Variants in ZCWPW2 observed in about 807,000 individuals in gnomAD.
ZCWPW2 encodes zinc finger CW-type PWWP domain protein 2.
Under a neutral mutation model 46.6 loss-of-function variants are expected in ZCWPW2, and 45 were observed. The observed-to-expected ratio is 0.96, with a 90% confidence interval of 0.76 to 1.24. The LOEUF is 1.24. Ranked by LOEUF, ZCWPW2 falls within the 50% of genes most tolerant of loss-of-function variation. The pLI, the probability that ZCWPW2 is intolerant of heterozygous loss-of-function variation, is 0.00. For missense variants in ZCWPW2, 429 were observed against 403.9 expected (o/e 1.06, Z -0.53); for synonymous variants, 152 against 137.1 (o/e 1.11, Z -0.76).
intron 5 of ZCWPW2, among the ~76,000 whole-genome samples, chr3:28,487,308 C>G (rs936955890): frequency 1.3e-5 from 2 of 151,852 alleles, no homozygotes; most frequent in African/African-American, 2.4e-5. Flanking sequence ...AGTCTTTTCT[C>G]TTTTTCAGTT....
intron 6 of ZCWPW2, among the ~76,000 whole-genome samples, chr3:28,498,059 T>C (rs1433021281): frequency 6.6e-6 from 1 of 152,014 alleles, no homozygotes; most frequent in Non-Finnish European, 1.5e-5. Context: ...TCATAATACT[T>C]GTGCAGGCCA....
At chr3:28,403,322 G>A (rs1183641482) in intron 2 of ZCWPW2, among the ~76,000 whole-genome samples, 1 of 151,926 alleles carries the variant, frequency 6.6e-6, no homozygotes, top group Non-Finnish European at 1.5e-5. Context: ...AAATTACTTA[G>A]GAATACACCT....
chr3:28,398,356 T>G (rs1695787322), intron 2 of ZCWPW2: 1 of 152,074 alleles, frequency 6.6e-6, no homozygotes, highest in Non-Finnish European at 1.5e-5. Context: ...ATCTTGGGGG[T>G]GGGACACAAC....
In ZCWPW2 at chr3:28,484,758, C is replaced by G. The variant is rs543342851; in HGVS notation, c.610+5827C>G. Among the ~76,000 whole-genome samples, 4 of 150,298 alleles carry G rather than the reference C, an allele frequency of 2.7e-5. No homozygotes were observed. In the East Asian group the frequency reaches 7.9e-4, roughly 30 times the overall value. Reference sequence around the variant, plus strand: ...CCTTCCTTCCTGCCTGCCTTCCTGCCTGCCTTCCTGTCTTCCTTCTGTCCT... The same window carrying G: ...CCTTCCTTCCTGCCTGCCTTCCTGCGTGCCTTCCTGTCTTCCTTCTGTCCT... On this transcript the variant is annotated intron_variant, in intron 5 of 9. Transcript: ENST00000383768.
At chr3:28,475,225 G>A (rs1313557126) in intron 4 of ZCWPW2, among the ~76,000 whole-genome samples, 2 of 152,040 alleles carry the variant, frequency 1.3e-5, no homozygotes, top group Non-Finnish European at 2.9e-5. Context: ...CCTTTTGCCC[G>A]CTGAGTTTGA....
chr3:28,514,145 G>C (rs984424853), intron 7 of ZCWPW2, 23 bp downstream of exon 7: 1 of 1,393,894 alleles, frequency 7.2e-7, no homozygotes. Flanking sequence ...AAATTAAATA[G>C]TATTATGATA....
intron 5 of ZCWPW2, among the ~76,000 whole-genome samples, chr3:28,488,719 T>C (rs1289606681): frequency 1.3e-5 from 2 of 152,184 alleles, no homozygotes; most frequent in Non-Finnish European, 2.9e-5. Flanking sequence ...AAATATGACT[T>C]GGATATAGCT....
intron 4 of ZCWPW2, among the ~76,000 whole-genome samples, chr3:28,437,555 C>T (rs1276491622): frequency 1.3e-5 from 2 of 151,918 alleles, no homozygotes; most frequent in Non-Finnish European, 2.9e-5. Flanking sequence ...TGCATGGTTG[C>T]CTTATGAGAC....
chr3:28,471,143 C>G (rs1399595747), intron 4 of ZCWPW2, among the ~76,000 whole-genome samples: 1 of 152,096 alleles, frequency 6.6e-6, no homozygotes, highest in African/African-American at 2.4e-5. Context: ...AACCAAGAAC[C>G]TGATGGGTTC....
intron 4 of ZCWPW2, among the ~76,000 whole-genome samples, chr3:28,436,362 A>G (rs1338191182): frequency 1.9e-5 from 2 of 103,954 alleles, no homozygotes; most frequent in African/African-American, 4.0e-5. Context: ...GCCTTGAATT[A>G]CTGGGCTCAG....
At chr3:28,427,619 A>G (rs1030760396) in intron 3 of ZCWPW2, among the ~76,000 whole-genome samples, 41 of 152,270 alleles carry the variant, frequency 2.7e-4, no homozygotes, top group African/African-American at 9.1e-4. Flanking sequence ...TTAGCATCCA[A>G]TTCTTTTTGA....
intron 4 of ZCWPW2, among the ~76,000 whole-genome samples, chr3:28,474,925 T>C (rs1319667334): frequency 1.3e-5 from 2 of 151,810 alleles, no homozygotes; most frequent in Non-Finnish European, 2.9e-5. Context: ...ACCTCCCGGG[T>C]TCAAGCAATT....
At chr3:28,431,127 G>C (rs1697237490) in intron 3 of ZCWPW2, among the ~76,000 whole-genome samples, 1 of 152,058 alleles carries the variant, frequency 6.6e-6, no homozygotes, top group Non-Finnish European at 1.5e-5. Context: ...TGTGATTTCA[G>C]ATTCTTTACA....
chr3:28,455,062 T>C (rs1308369403), intron 4 of ZCWPW2, among the ~76,000 whole-genome samples: 2 of 152,198 alleles, frequency 1.3e-5, no homozygotes, highest in African/African-American at 4.8e-5. Context: ...ATCACCACAC[T>C]GTCTTCCACA....
chr3:28,518,508 G>A (rs1462273693), intron 8 of ZCWPW2, among the ~76,000 whole-genome samples: 1 of 152,168 alleles, frequency 6.6e-6, no homozygotes, highest in Non-Finnish European at 1.5e-5. Context: ...TGCTCTGGAA[G>A]CAGAAGCTGA....
chr3:28,497,458 C>T (rs1006246933), intron 6 of ZCWPW2, among the ~76,000 whole-genome samples: 15 of 151,964 alleles, frequency 9.9e-5, no homozygotes, highest in Admixed American at 3.9e-4. Flanking sequence ...TTCAAATTCC[C>T]GGTGTGGTGT....
intron 9 of ZCWPW2, among the ~76,000 whole-genome samples, chr3:28,523,061 T>A (rs1297557053): frequency 6.6e-6 from 1 of 152,230 alleles, no homozygotes; most frequent in Non-Finnish European, 1.5e-5. Context: ...GAAATACTTC[T>A]GATTTTTATT....
rs754528438 is a variant in ZCWPW2, at chr3:28,515,598, A to T, written c.761A>T (p.Asp254Val). Reference protein sequence around the residue: ...KCSFENVYSDDALSKENRVVC... With the variant: ...KCSFENVYSDVALSKENRVVC... ...TCTTTTGAAAATGTTTATTCTGATGATGCCTTATCAAAGGAGAACAGGGGT... is the reference window on the plus strand; with the variant it reads ...TCTTTTGAAAATGTTTATTCTGATGTTGCCTTATCAAAGGAGAACAGGGGT... The change falls in exon 8 of 10, where the codon GAT becomes GTT. Residue 254 changes from aspartate (D) to valine (V), a missense_variant. Coordinates refer to ENST00000383768, the MANE Select transcript of ZCWPW2 (RefSeq NM_001040432.4). 1.2e-6 allele frequency: 2 copies of T among 1,606,400 alleles called. No individual in the cohort carries two copies. Among genetic ancestry groups the T allele is most frequent in the Non-Finnish European group, 1.7e-6 (2 of 1,179,322 alleles).
At chr3:28,378,223 C>T (rs1216514285) in intron 1 of ZCWPW2, among the ~76,000 whole-genome samples, 1 of 151,608 alleles carries the variant, frequency 6.6e-6, no homozygotes, top group Non-Finnish European at 1.5e-5. Context: ...AAAGAACGAA[C>T]AGTGAAAGTT....
Sources: gnomAD v4.1 joint callset for allele counts (sites outside exome capture counted in the v4.1 genomes callset) on GRCh38, gnomAD v4.1.1 for gene constraint, MANE v1.5 for transcripts, NCBI Gene and HGNC (gene_info 2026-07-23, HGNC 2026-07-21) for gene names.